The following MTAP variants were observed in gnomAD, a reference collection of about 807,000 sequenced individuals.
MTAP encodes the protein S-methyl-5'-thioadenosine phosphorylase.
A neutral mutation model predicts 33.6 loss-of-function variants in MTAP; 33 were observed. That is an observed-to-expected ratio of 0.98 (90% CI 0.74 to 1.31). The LOEUF (loss-of-function observed/expected upper bound fraction) is 1.31. Among genes scored for constraint, MTAP ranks in the 40% most tolerant of loss-of-function variants. The pLI is 0.00. For synonymous variants in MTAP, 148 were observed against 125.7 expected, an observed-to-expected ratio of 1.18 and a Z score of -1.19; for missense variants, 367 against 360.0, an observed-to-expected ratio of 1.02 and a Z score of -0.16.
At chr9:21,841,920 C>G (rs1825257518) in intron 5 of MTAP, among the ~76,000 whole-genome samples, 1 of 152,216 alleles carries the variant, frequency 6.6e-6, no homozygotes, top group Non-Finnish European at 1.5e-5. Context: ...TGGATCCAAA[C>G]CAAGAGGAAA....
At chr9:21,848,491 A>G (rs1825435176) in intron 5 of MTAP, among the ~76,000 whole-genome samples, 1 of 150,926 alleles carries the variant, frequency 6.6e-6, no homozygotes, top group African/African-American at 2.4e-5. Flanking sequence ...AAAAGGTTCT[A>G]ATTATTTACT....
At chr9:21,886,121 CTT>C (rs201926662) in intron 1 of MTAP, among the ~76,000 whole-genome samples, 24 of 141,826 alleles carry the variant, frequency 1.7e-4, no homozygotes, top group East Asian at 2.1e-4. Context: ...AGGCCAACAT[CTT>C]TTTTTTTTTT....
intron 5 of MTAP, among the ~76,000 whole-genome samples, chr9:21,838,270 G>T (rs192036156): frequency 3.2e-4 from 49 of 152,302 alleles, no homozygotes; most frequent in Admixed American, 1.6e-3. Flanking sequence ...TAGATAAAAT[G>T]ATTTAACATA....
intron 5 of MTAP, among the ~76,000 whole-genome samples, chr9:21,839,610 G>C (rs1825193981): frequency 6.6e-6 from 1 of 152,158 alleles, no homozygotes; most frequent in Non-Finnish European, 1.5e-5. Context: ...ACTGGGAAAG[G>C]CAATTTAAGA....
At chr9:21,836,217 C>T (rs1825102743) in intron 4 of MTAP, among the ~76,000 whole-genome samples, 2 of 152,110 alleles carry the variant, frequency 1.3e-5, no homozygotes, top group African/African-American at 4.8e-5. Context: ...AAAGATATGG[C>T]AATTTGGTTT....
intron 4 of MTAP, among the ~76,000 whole-genome samples, chr9:21,834,390 C>T (rs573631100): frequency 3.3e-5 from 5 of 152,298 alleles, no homozygotes; most frequent in African/African-American, 9.6e-5. Flanking sequence ...AAATTAGTCC[C>T]CTTGCCTAGC....
chr9:21,911,779 G>T (rs1395236673), intron 1 of MTAP, among the ~76,000 whole-genome samples: 1 of 151,920 alleles, frequency 6.6e-6, no homozygotes, highest in South Asian at 2.1e-4. Flanking sequence ...TAACCAAGAT[G>T]GGAGCAGAAC....
chr9:21,832,084 C>T (rs920873719), intron 4 of MTAP, among the ~76,000 whole-genome samples: 1 of 152,194 alleles, frequency 6.6e-6, no homozygotes, highest in African/African-American at 2.4e-5. Context: ...CTGGTATCCT[C>T]CCCTCTTCAG....
intron 1 of MTAP, among the ~76,000 whole-genome samples, chr9:21,805,005 G>A (rs1824171980): frequency 1.3e-5 from 2 of 152,226 alleles, no homozygotes; most frequent in Admixed American, 6.5e-5. Flanking sequence ...TATGCAGAAA[G>A]CAGGCTGCCT....
intron 1 of MTAP, chr9:21,811,959 T>C (rs1824361515): frequency 3.1e-6 from 1 of 327,586 alleles, no homozygotes; most frequent in Non-Finnish European, 6.0e-6. Context: ...ATTTTGGGCA[T>C]TAAGCATGTG....
chr9:21,920,951 A>G (rs1037453906), intron 1 of MTAP, among the ~76,000 whole-genome samples: 1 of 152,172 alleles, frequency 6.6e-6, no homozygotes, highest in African/African-American at 2.4e-5. Context: ...AAGTATTACC[A>G]CTTCTCCCAT....
In MTAP at chr9:21,864,966, G is replaced by A; in HGVS notation, c.*2952G>A. On this transcript the variant is annotated 3_prime_UTR_variant, in exon 8 of 8. Transcript: ENST00000644715. The stretch of plus-strand genomic sequence containing the variant: ...TTTTAATTTTCTCAACAAGCATTTA[G>A]CCAGCACTTATCCAGTGAAACAATT... The A allele has an allele frequency of 1.0e-6, 1 of 985,442 alleles. No individual in the cohort carries two copies. Among genetic ancestry groups the A allele is most frequent in the South Asian group, 4.7e-5 (1 of 21,292 alleles). 61.0% of individuals were successfully genotyped at this position (985,442 alleles called of 1,614,324 possible).
At chr9:21,881,863 C>G (rs1305351165) in intron 1 of MTAP, among the ~76,000 whole-genome samples, 1 of 151,966 alleles carries the variant, frequency 6.6e-6, no homozygotes, top group Non-Finnish European at 1.5e-5. Context: ...ATTCAGCAAT[C>G]ACATCTTTGC....
At position 21,816,609 on chromosome 9, in the gene MTAP, C is replaced by T. The variant is rs1369413969; in HGVS notation, c.121-105C>T. The T allele has an allele frequency of 1.6e-5, 15 of 930,196 alleles. 1 individual carries two copies. The highest frequency in any genetic ancestry group is 4.9e-5 in the South Asian group (3 of 61,542). The allele number at this position is 930,196 out of a possible 1,614,324, so 57.6% of individuals were successfully genotyped here. ...TCTTGCCTCTTCTCTAAGTTGTATC[C>T]TCAGACTCTTCAGATTCCATGAGTC... On this transcript the variant is annotated intron_variant, in intron 2 of 7. Coordinates refer to ENST00000644715, the MANE Select transcript of MTAP (RefSeq NM_002451.4).
chr9:21,850,730 A>G (rs1165961455), intron 5 of MTAP, among the ~76,000 whole-genome samples: 1 of 152,194 alleles, frequency 6.6e-6, no homozygotes, highest in African/African-American at 2.4e-5. Flanking sequence ...ATGGGTCATC[A>G]AGTCACCATG....
intron 1 of MTAP, among the ~76,000 whole-genome samples, chr9:21,908,921 T>C (rs1818519432): frequency 6.6e-6 from 1 of 152,014 alleles, no homozygotes; most frequent in Non-Finnish European, 1.5e-5. Context: ...CCCTTCCCCA[T>C]TTATAGTATA....
chr9:21,809,169 C>T (rs1824282593), intron 1 of MTAP, among the ~76,000 whole-genome samples: 1 of 152,144 alleles, frequency 6.6e-6, no homozygotes, highest in African/African-American at 2.4e-5. Context: ...TTCTTGCCTC[C>T]TTGTGATTTC....
chr9:21,854,007 A>C (rs1168596736), intron 5 of MTAP, among the ~76,000 whole-genome samples: 3 of 152,210 alleles, frequency 2.0e-5, no homozygotes, highest in South Asian at 2.1e-4. Context: ...GTTTCTAAAA[A>C]TCCATGCCTA....
chr9:21,926,617 A>G (rs147043657), intron 1 of MTAP, among the ~76,000 whole-genome samples: 1,763 of 152,300 alleles, frequency 0.012, 28 homozygotes, highest in African/African-American at 0.04. Context: ...AAGGTTCCAG[A>G]GATGGTTCCA....
Sources: allele counts gnomAD v4.1 joint callset (sites outside exome capture counted in the v4.1 genomes callset), GRCh38; gene constraint gnomAD v4.1.1; transcripts MANE v1.5; gene names NCBI Gene and HGNC (gene_info 2026-07-23, HGNC 2026-07-21).